Variants in PPP1R9A observed in about 807,000 individuals in gnomAD.
PPP1R9A encodes the protein protein phosphatase 1 regulatory subunit 9A.
PPP1R9A carries 59 observed loss-of-function variants against 141.9 expected under a neutral mutation model. The observed-to-expected ratio is 0.42, with a 90% CI of 0.34 to 0.52. The LOEUF is 0.52. Ranked by LOEUF, PPP1R9A falls within the 20% of genes least tolerant of loss-of-function variation. The probability of loss-of-function intolerance (pLI) is 0.10; values close to 1 mark genes in which losing one functional copy is unlikely to be tolerated. For missense variants in PPP1R9A, 1,444 were observed against 1,611.9 expected, an observed-to-expected ratio of 0.90 and a Z score of 1.78; for synonymous variants, 500 against 569.7, an observed-to-expected ratio of 0.88 and a Z score of 1.74.
chr7:94,942,531 G>A (rs1174000176), intron 2 of PPP1R9A, among the ~76,000 whole-genome samples: 3 of 152,138 alleles, frequency 2.0e-5, no homozygotes, highest in African/African-American at 7.2e-5. Flanking sequence ...TAAAGGCAGA[G>A]CAAGTAGTTG....
chr7:95,223,081 C>T (rs1335873382), intron 7 of PPP1R9A, among the ~76,000 whole-genome samples: 1 of 151,834 alleles, frequency 6.6e-6, no homozygotes, highest in African/African-American at 2.4e-5. Context: ...CATCCTTAGC[C>T]TATAATAAGT....
At chr7:94,948,205 A>G (rs1796095714) in intron 2 of PPP1R9A, among the ~76,000 whole-genome samples, 1 of 152,074 alleles carries the variant, frequency 6.6e-6, no homozygotes, top group Non-Finnish European at 1.5e-5. Flanking sequence ...CTAAATTTGG[A>G]ACATGATGGT....
intron 3 of PPP1R9A, among the ~76,000 whole-genome samples, chr7:95,119,313 A>C (rs1045335180): frequency 8.5e-5 from 13 of 152,214 alleles, no homozygotes; most frequent in African/African-American, 2.9e-4. Flanking sequence ...AAAGTCACAC[A>C]GTATTGTTCA....
Position 94,957,829 on chromosome 7 carries a change from A to G in PPP1R9A, c.1395+46321A>G, listed in dbSNP as rs141714056. Among the ~76,000 whole-genome samples the G allele has an allele frequency of 6.4e-3, 981 of 152,156 alleles. 12 individuals carry two copies. The highest frequency in any genetic ancestry group is 0.023 in the African/African-American group (936 of 41,520). On this transcript the variant is annotated intron_variant, in intron 2 of 19. Transcript: ENST00000433360. ...CGACAGGAATAGTAGGCAGTAAGCC[A>G]TACTAACTAAAGCAATTTTAATTGT...
At chr7:94,980,128 G>A (rs1799912243) in intron 2 of PPP1R9A, among the ~76,000 whole-genome samples, 1 of 147,644 alleles carries the variant, frequency 6.8e-6, no homozygotes, top group Non-Finnish European at 1.5e-5. Context: ...GGTCACACTG[G>A]AAGAAGAATC....
chr7:94,933,459 C>A (rs1794405398), intron 2 of PPP1R9A, among the ~76,000 whole-genome samples: 2 of 152,114 alleles, frequency 1.3e-5, no homozygotes, highest in South Asian at 4.1e-4. Context: ...GGGAGGCATT[C>A]TCCTCCCTCT....
In PPP1R9A at chr7:95,269,274, C is replaced by G; in HGVS notation, c.2891C>G (p.Ser964Cys). The G allele has an allele frequency of 1.9e-6, 3 of 1,583,478 alleles. No homozygotes were observed. The highest frequency in any genetic ancestry group is 1.7e-6 in the Non-Finnish European group (2 of 1,165,536). ...KLLPPKGLRT[S>C]SPESDSGVPP... is the part of the protein sequence containing the mutation. ...CTTCCACCTAAGGGTTTGAGAACGTCTTCTCCAGAATCAGATTCTGGTGTT... is the reference window on the plus strand; with the variant it reads ...CTTCCACCTAAGGGTTTGAGAACGTGTTCTCCAGAATCAGATTCTGGTGTT... Residue 964 changes from serine to cysteine, a missense_variant, in exon 14 of 20, where the codon TCT becomes TGT. This residue lies in a region of PPP1R9A where 459 missense variants were observed against 513.8 expected (regional missense o/e 0.89). Coordinates refer to ENST00000433360, the MANE Select transcript of PPP1R9A (RefSeq NM_001166160.2).
intron 5 of PPP1R9A, among the ~76,000 whole-genome samples, chr7:95,170,079 CAT>C (rs1315693447): frequency 2.0e-5 from 3 of 151,768 alleles, no homozygotes; most frequent in East Asian, 1.9e-4. Context: ...TAAAATGAAA[CAT>C]ATGTGTTATG....
chr7:94,984,101 G>C (rs1419480764), intron 2 of PPP1R9A, among the ~76,000 whole-genome samples: 2 of 152,142 alleles, frequency 1.3e-5, no homozygotes, highest in African/African-American at 2.4e-5. Context: ...TGTGGTTTTT[G>C]TCTTTGGTTC....
intron 2 of PPP1R9A, among the ~76,000 whole-genome samples, chr7:95,071,107 A>T (rs1454360438): frequency 6.6e-6 from 1 of 152,092 alleles, no homozygotes; most frequent in East Asian, 1.9e-4. Context: ...TTCAGGGCTT[A>T]TAAAACTAAG....
rs377622187 is a variant in PPP1R9A at position 95,284,286 on chromosome 7, A to G, written c.3565A>G (p.Arg1189Gly). ...PNPSSSSIFG[R>G]HSQLMSVVWI... Reference sequence around the variant, plus strand: ...TCCCTCCTCTTCTTCAATCTTTGGAAGGCATTCTCAACTTATGTCTGTAGT... The same window carrying G: ...TCCCTCCTCTTCTTCAATCTTTGGAGGGCATTCTCAACTTATGTCTGTAGT... Residue 1189 changes from arginine (R) to glycine (G), a missense_variant, in exon 17 of 20, where the codon AGG becomes GGG. Transcript: ENST00000433360. The G allele has an allele frequency of 3.8e-5, 59 of 1,559,700 alleles. No individual in the cohort carries two copies. The African/African-American group carries it at 7.7e-4, about 20-fold the overall frequency.
chr7:94,956,334 G>A (rs1797067911), intron 2 of PPP1R9A, among the ~76,000 whole-genome samples: 1 of 152,078 alleles, frequency 6.6e-6, no homozygotes, highest in Non-Finnish European at 1.5e-5. Flanking sequence ...AAACCTGCGT[G>A]CCATAGAAGT....
At position 94,946,196 on chromosome 7, in the gene PPP1R9A, A is replaced by AT. The variant is rs371946469; in HGVS notation, c.1395+34697dup. ...AGGTACCATTACTTAAATAAGAGTG[A>AT]TTTTTTTTTCATTCTCTAAAATGGG... On this transcript the variant is annotated intron_variant, in intron 2 of 19. Coordinates refer to ENST00000433360, the MANE Select transcript of PPP1R9A (RefSeq NM_001166160.2). 8.1e-3 allele frequency among the ~76,000 whole-genome samples: 1,230 copies of AT among 151,494 alleles called. 8 individuals are homozygous for AT. The highest frequency in any genetic ancestry group is 0.037 in the Middle Eastern group (11 of 294).
rs535951326 is a variant in PPP1R9A, at chr7:95,258,461, G to C, written c.2665+6331G>C. Among the ~76,000 whole-genome samples the C allele has an allele frequency of 2.6e-5, 4 of 152,200 alleles. No individual in the cohort carries two copies. In the South Asian group the frequency reaches 8.3e-4, roughly 32 times the overall value. On this transcript the variant is annotated intron_variant, in intron 12 of 19. Transcript: ENST00000433360. ...GATTGCAAAAATTTTCTTCCATTCT[G>C]TAGGTTGCCTGTTCACAAAAATTCC...
intron 5 of PPP1R9A, among the ~76,000 whole-genome samples, chr7:95,189,917 T>C (rs1364642152): frequency 6.6e-6 from 1 of 152,156 alleles, no homozygotes; most frequent in Non-Finnish European, 1.5e-5. Context: ...TTCTTTATGG[T>C]ATCTGTTTTT....
At chr7:95,134,839 T>C (rs180969621) in intron 4 of PPP1R9A, among the ~76,000 whole-genome samples, 34 of 152,378 alleles carry the variant, frequency 2.2e-4, no homozygotes, top group South Asian at 4.1e-4. Flanking sequence ...ACTTTAGTTT[T>C]TAATGTTTGT....
chr7:95,170,236 G>A (rs756051942), intron 5 of PPP1R9A, among the ~76,000 whole-genome samples: 12 of 151,606 alleles, frequency 7.9e-5, no homozygotes, highest in Non-Finnish European at 1.8e-4. Context: ...AGAGGCTGTG[G>A]CATAATTATA....
At chr7:94,955,621 G>A (rs2151076244) in intron 2 of PPP1R9A, among the ~76,000 whole-genome samples, 1 of 152,192 alleles carries the variant, frequency 6.6e-6, no homozygotes, top group Middle Eastern at 3.4e-3. Context: ...TATTCTCAAT[G>A]CATTCTCACT....
At chr7:94,916,011 T>C (rs1413235483) in intron 2 of PPP1R9A, among the ~76,000 whole-genome samples, 1 of 152,222 alleles carries the variant, frequency 6.6e-6, no homozygotes, top group Admixed American at 6.5e-5. Flanking sequence ...TGTCTATAAG[T>C]AAATCTCATT....
Sources: allele counts gnomAD v4.1 joint callset (sites outside exome capture counted in the v4.1 genomes callset), GRCh38; gene constraint gnomAD v4.1.1; regional missense constraint gnomAD v4.1.1; transcripts MANE v1.5; gene names NCBI Gene and HGNC (gene_info 2026-07-23, HGNC 2026-07-21).